Variants in PPARGC1B observed in about 807,000 individuals in gnomAD.
PPARGC1B encodes peroxisome proliferator-activated receptor gamma coactivator 1-beta.
Under a neutral mutation model 101.6 loss-of-function variants are expected in PPARGC1B, and 34 were observed. That is an observed-to-expected ratio of 0.33 (90% CI 0.25 to 0.45). The LOEUF (loss-of-function observed/expected upper bound fraction) is 0.45, where lower values mean the gene tolerates loss of function less well. PPARGC1B is among the 20% of genes least tolerant of loss of function. The pLI is 1.00. For synonymous variants in PPARGC1B, 548 were observed against 539.3 expected, an observed-to-expected ratio of 1.02 and a Z score of -0.22; for missense variants, 1,234 against 1,317.6, an observed-to-expected ratio of 0.94 and a Z score of 0.98.
chr5:149,792,263 C>T (rs1244812312), intron 1 of PPARGC1B, among the ~76,000 whole-genome samples: 1 of 152,196 alleles, frequency 6.6e-6, no homozygotes, highest in African/African-American at 2.4e-5. Flanking sequence ...CAGCAGGGCT[C>T]CTCCAGTGTC....
chr5:149,830,890 C>G lies in PPARGC1B; in HGVS notation c.582+7C>G. 4 of 1,584,938 alleles carry G rather than the reference C, an allele frequency of 2.5e-6. No homozygotes were observed. The highest frequency in any genetic ancestry group is 3.5e-6 in the Non-Finnish European group (4 of 1,153,260). On this transcript the variant is annotated splice_region_variant and intron_variant, in intron 4 of 11. Coordinates refer to ENST00000309241, the MANE Select transcript of PPARGC1B (RefSeq NM_133263.4). Reference sequence around the variant, plus strand: ...TCAACGGCCTTGTGTTAAGGTATTTCTTCACATGCCCCCAAATCTACCCCA... The same window carrying G: ...TCAACGGCCTTGTGTTAAGGTATTTGTTCACATGCCCCCAAATCTACCCCA...
rs557365726 is a variant in PPARGC1B at position 149,731,588 on chromosome 5, C to T, written c.78+1168C>T. On this transcript the variant is annotated intron_variant, in intron 1 of 11. Coordinates refer to ENST00000309241, the MANE Select transcript of PPARGC1B (RefSeq NM_133263.4). The stretch of plus-strand genomic sequence containing the variant: ...GGAGCGCCGGTGCCGGCCCGTTTTG[C>T]ATAACAGTGGAAGGGAGGGGGAAGG... 3.8e-5 allele frequency among the ~76,000 whole-genome samples: 5 copies of T among 132,370 alleles called. No individual in the cohort carries two copies. In the Admixed American group the frequency reaches 4.1e-4, roughly 11 times the overall value. 86.8% of individuals were successfully genotyped at this position (132,370 alleles called of 152,430 possible). A position where few individuals can be genotyped will look rare whatever the true frequency, so the allele number is the denominator to read the frequency against.
In PPARGC1B at chr5:149,776,339, G is replaced by A. The variant is rs1424049009; in HGVS notation, c.79-44094G>A. ...CACTACAAAAATTCTGCCTTATGCA[G>A]CGTTTCCCAAAAGAGGTTCCAAAGG... On this transcript the variant is annotated intron_variant, in intron 1 of 11. Transcript: ENST00000309241. Among the ~76,000 whole-genome samples, 3 of 152,164 alleles carry A rather than the reference G, an allele frequency of 2.0e-5. No homozygotes were observed. The East Asian group carries it at 5.8e-4, about 29-fold the overall frequency.
Position 149,851,499 on chromosome 5 carries a change from G to A in PPARGC1B, c.*3941G>A, listed in dbSNP as rs934533208. 6.6e-5 allele frequency: 10 copies of A among 152,186 alleles called. No individual in the cohort carries two copies. Among genetic ancestry groups the A allele is most frequent in the Admixed American group, 2.0e-4 (3 of 15,272 alleles). 9.4% of individuals were successfully genotyped at this position (152,186 alleles called of 1,614,324 possible). A position where few individuals can be genotyped will look rare whatever the true frequency, so the allele number is the denominator to read the frequency against. ...GTATTTTTTTAGCATTTGAGATTTA[G>A]CAGCTGCCTTCAGTTTGGGGTTACC... On this transcript the variant is annotated 3_prime_UTR_variant, in exon 12 of 12. Coordinates refer to ENST00000309241, the MANE Select transcript of PPARGC1B (RefSeq NM_133263.4).
chr5:149,773,520 T>C (rs961677988), intron 1 of PPARGC1B, among the ~76,000 whole-genome samples: 7 of 152,096 alleles, frequency 4.6e-5, no homozygotes, highest in Non-Finnish European at 2.9e-5. Context: ...GCCTGGCTGG[T>C]TGCTCTGTTC....
In PPARGC1B at chr5:149,799,690, G is replaced by GTTTTTTTTTTTTTTTT. The variant is rs369350284; in HGVS notation, c.79-20741_79-20740insTTTTTTTTTTTTTTTT. On this transcript the variant is annotated intron_variant, in intron 1 of 11. Transcript: ENST00000309241. ...TTTTTTGTTTGTTTGTTTGCTTGTT[G>GTTTTTTTTTTTTTTTT]TTGTTTTTTTTTTTTTTTTTTTTTG... Among the ~76,000 whole-genome samples the GTTTTTTTTTTTTTTTT allele has an allele frequency of 1.0e-3, 65 of 65,060 alleles. 4 individuals are homozygous for GTTTTTTTTTTTTTTTT. The highest frequency in any genetic ancestry group is 1.9e-3 in the African/African-American group (36 of 18,716). 42.7% of individuals were successfully genotyped at this position (65,060 alleles called of 152,430 possible). A position where few individuals can be genotyped will look rare whatever the true frequency, so the allele number is the denominator to read the frequency against.
intron 1 of PPARGC1B, among the ~76,000 whole-genome samples, chr5:149,797,546 CAG>C (rs1306571358): frequency 6.6e-6 from 1 of 152,210 alleles, no homozygotes; most frequent in Non-Finnish European, 1.5e-5. Context: ...ACTACCATAA[CAG>C]ATTCTTTTTT....
rs1299803477 is a variant in PPARGC1B at position 149,837,114 on chromosome 5, G to A, written c.2618+41G>A. On this transcript the variant is annotated intron_variant, in intron 8 of 11. Coordinates refer to ENST00000309241, the MANE Select transcript of PPARGC1B (RefSeq NM_133263.4). This position sits in a 1 kb window ranked among gnomAD's most constrained non-coding sequence, Gnocchi z 4.2. ...TGCAGGAGAGGCAGCGGGCAGTGGAGGATCCCAGTTCCCGGGGAGCCAGGA... is the reference window on the plus strand; with the variant it reads ...TGCAGGAGAGGCAGCGGGCAGTGGAAGATCCCAGTTCCCGGGGAGCCAGGA... 1.1e-5 allele frequency: 17 copies of A among 1,547,632 alleles called. No individual in the cohort carries two copies. The highest frequency in any genetic ancestry group is 1.4e-5 in the Non-Finnish European group (16 of 1,147,146).
In PPARGC1B at chr5:149,834,675, C is replaced by T. The variant is rs1404019678; in HGVS notation, c.1707C>T (p.Asp569=). 3 of 1,613,160 alleles carry T rather than the reference C, an allele frequency of 1.9e-6. No homozygotes were observed. The South Asian group carries it at 3.3e-5, about 18-fold the overall frequency. Residue 569 remains aspartate (D), a splice_region_variant and synonymous_variant, in exon 6 of 12, where the codon GAC becomes GAT. Transcript: ENST00000309241. ...DPSCPQLPPR[D]SPRCLMLALS... is the part of the protein sequence containing the mutation. ...TATTTTTCTGTGTCTTCTTTTCAGA[C>T]TCTCCCAGGTGCCTCATGCTGGCCT...
chr5:149,840,049 G>A lies in PPARGC1B; in HGVS notation c.2627G>A (p.Ser876Asn), dbSNP rs1759269885. 6.2e-7 allele frequency: 1 copy of A among 1,614,046 alleles called. No individual in the cohort carries two copies. The highest frequency in any genetic ancestry group is 1.3e-5 in the African/African-American group (1 of 74,944). ...TGCTTGTTCACTGACAGATGTGAGA[G>A]CAGAGGGCCGTGTTCAGACAGAACG... Reference protein sequence around the residue: ...PATRRNFRCESRGPCSDRTPS... With the variant: ...PATRRNFRCENRGPCSDRTPS... The change falls in exon 9 of 12, where the codon AGC (serine) becomes AAC (asparagine). Residue 876 changes from serine to asparagine, a missense_variant. Transcript: ENST00000309241.
At chr5:149,809,946 G>A (rs1757788755) in intron 1 of PPARGC1B, among the ~76,000 whole-genome samples, 1 of 152,006 alleles carries the variant, frequency 6.6e-6, no homozygotes, top group East Asian at 1.9e-4. Context: ...GGGAGATGAA[G>A]GAGAGAGAAG....
Position 149,852,547 on chromosome 5 carries a change from T to C in PPARGC1B, c.*4989T>C, listed in dbSNP as rs891789474. On this transcript the variant is annotated 3_prime_UTR_variant, in exon 12 of 12. Transcript: ENST00000309241. Reference sequence around the variant, plus strand: ...TCCCCGGGACAGATCTAAGCCATAGTTTCTAGTGGGGACAGTAAGGAATTA... The same window carrying C: ...TCCCCGGGACAGATCTAAGCCATAGCTTCTAGTGGGGACAGTAAGGAATTA... 1.3e-5 allele frequency: 2 copies of C among 152,160 alleles called. No individual in the cohort carries two copies. Among genetic ancestry groups the C allele is most frequent in the African/African-American group, 4.8e-5 (2 of 41,428 alleles). 9.4% of individuals were successfully genotyped at this position (152,160 alleles called of 1,614,324 possible).
chr5:149,735,542 T>A (rs1754672943), intron 1 of PPARGC1B, among the ~76,000 whole-genome samples: 1 of 152,230 alleles, frequency 6.6e-6, no homozygotes, highest in Non-Finnish European at 1.5e-5. Flanking sequence ...GTATCCCCTA[T>A]ACCCCATGCA....
intron 1 of PPARGC1B, among the ~76,000 whole-genome samples, chr5:149,734,270 C>CGCTTGAACCCGGGAGGCG (rs1754608576): frequency 7.0e-6 from 1 of 143,116 alleles, no homozygotes; most frequent in African/African-American, 2.7e-5. Context: ...TGCAGTGAGC[C>CGCTTGAACCCGGGAGGCG]GAGATCGCGC....
At chr5:149,777,922 TCACACACACACACACACACACA>T (rs58159275) in intron 1 of PPARGC1B, among the ~76,000 whole-genome samples, 2 of 11,602 alleles carry the variant, frequency 1.7e-4, no homozygotes, top group African/African-American at 1.1e-3. Context: ...CCATGTAGCA[TCACACACACACACACACACACA>T]CACACACACA....
intron 5 of PPARGC1B, 54 bp from the exon 6 acceptor site, chr5:149,834,620 A>C (rs1758965684): frequency 6.4e-7 from 1 of 1,558,348 alleles, no homozygotes; most frequent in African/African-American, 1.4e-5. Context: ...GAGGGGAAAC[A>C]TCTGCTAGTG....
intron 1 of PPARGC1B, among the ~76,000 whole-genome samples, chr5:149,801,057 A>G (rs574833464): frequency 8.5e-5 from 13 of 152,290 alleles, no homozygotes; most frequent in African/African-American, 3.1e-4. Context: ...TGTATGGGGA[A>G]TGAAGACCTA....
Position 149,832,422 on chromosome 5 carries a change from C to T in PPARGC1B, c.583-234C>T, listed in dbSNP as rs529480461. Among the ~76,000 whole-genome samples the T allele has an allele frequency of 9.9e-5, 15 of 152,134 alleles. No individual in the cohort carries two copies. The highest frequency in any genetic ancestry group is 2.1e-4 in the South Asian group (1 of 4,818). ...GTGAATCTGGAAGGGTCTGCAGGGG[C>T]GAAATTCCATGGCTGGGAGAGCTGT... On this transcript the variant is annotated intron_variant, in intron 4 of 11. Coordinates refer to ENST00000309241, the MANE Select transcript of PPARGC1B (RefSeq NM_133263.4). The surrounding 1 kb of genome is among the most constrained non-coding windows in gnomAD (Gnocchi z 4.9).
chr5:149,829,304 C>T (rs1758649249), intron 3 of PPARGC1B, among the ~76,000 whole-genome samples: 1 of 152,188 alleles, frequency 6.6e-6, no homozygotes, highest in Non-Finnish European at 1.5e-5. Flanking sequence ...CACAGTGCAC[C>T]GGGCCTGAGC....
Sources: allele counts gnomAD v4.1 joint callset (sites outside exome capture counted in the v4.1 genomes callset), GRCh38; gene constraint gnomAD v4.1.1; non-coding constraint Gnocchi (gnomAD v3.1); transcripts MANE v1.5; gene names NCBI Gene and HGNC (gene_info 2026-07-23, HGNC 2026-07-21).